FAM13A: variants seen among roughly 807,000 people sequenced by gnomAD.
FAM13A encodes the protein family with sequence similarity 13 member A, also known as protein FAM13A.
Under a neutral mutation model 129.6 loss-of-function variants are expected in FAM13A, and 76 were observed. The observed-to-expected ratio is 0.59, with a 90% confidence interval of 0.49 to 0.71. The LOEUF is 0.71. Ranked by LOEUF, FAM13A falls within the 30% of genes least tolerant of loss-of-function variation. The pLI is 0.00. For missense variants in FAM13A, 1,108 were observed against 1,249.3 expected, an observed-to-expected ratio of 0.89 and a Z score of 1.70; for synonymous variants, 443 against 449.9, an observed-to-expected ratio of 0.98 and a Z score of 0.20.
At chr4:88,993,153 TATA>T (rs998398451) in intron 3 of FAM13A, among the ~76,000 whole-genome samples, 3 of 152,212 alleles carry the variant, frequency 2.0e-5, no homozygotes, top group African/African-American at 7.2e-5. Flanking sequence ...TTGTGTTGTT[TATA>T]ATATTTTCCA....
intron 5 of FAM13A, among the ~76,000 whole-genome samples, chr4:88,920,620 C>T (rs193255730): frequency 0.011 from 1,658 of 152,158 alleles, 33 homozygotes; most frequent in African/African-American, 0.036. Context: ...GCAGAAAAAC[C>T]GGAAACTCTA....
At chr4:88,776,291 C>T (rs1721697587) in intron 11 of FAM13A, among the ~76,000 whole-genome samples, 1 of 152,028 alleles carries the variant, frequency 6.6e-6, no homozygotes, top group South Asian at 2.1e-4. Flanking sequence ...GTAGATATTG[C>T]TTCATAACCT....
intron 8 of FAM13A, among the ~76,000 whole-genome samples, chr4:88,799,008 T>C (rs1277823298): frequency 6.6e-6 from 1 of 152,202 alleles, no homozygotes; most frequent in Non-Finnish European, 1.5e-5. Flanking sequence ...TCTTTCTCAG[T>C]ATAGCTCTAA....
At chr4:88,811,083 G>GA (rs1180034714) in intron 7 of FAM13A, among the ~76,000 whole-genome samples, 1 of 152,084 alleles carries the variant, frequency 6.6e-6, no homozygotes, top group African/African-American at 2.4e-5. Flanking sequence ...AAGACAAAGG[G>GA]AAAAAACTAT....
chr4:88,812,282 G>A (rs985207349), intron 7 of FAM13A, among the ~76,000 whole-genome samples: 1 of 152,110 alleles, frequency 6.6e-6, no homozygotes, highest in Non-Finnish European at 1.5e-5. Context: ...CTCAAAAAAA[G>A]GATGTGTCTC....
rs751011013 is a variant in FAM13A, at chr4:88,749,762, G to A, written c.2079+9C>T. 1 of 1,613,500 alleles carries A rather than the reference G, an allele frequency of 6.2e-7. No homozygotes were observed. Among genetic ancestry groups the A allele is most frequent in the South Asian group, 1.1e-5 (1 of 91,038 alleles). On this transcript the variant is annotated intron_variant, in intron 16 of 23. Coordinates refer to ENST00000264344, the MANE Select transcript of FAM13A (RefSeq NM_014883.4). Reference sequence around the variant, plus strand: ...TGAGGCGAAAAGAACAGTGTGAGGGGACACTTACTCTGTACTTCTTCTCTT... The same window carrying A: ...TGAGGCGAAAAGAACAGTGTGAGGGAACACTTACTCTGTACTTCTTCTCTT...
intron 5 of FAM13A, among the ~76,000 whole-genome samples, chr4:88,917,710 T>C (rs1402518489): frequency 6.6e-6 from 1 of 152,222 alleles, no homozygotes; most frequent in Non-Finnish European, 1.5e-5. Flanking sequence ...GACTTTTCAA[T>C]CTTTTTTCTC....
chr4:88,962,147 A>C (rs1758706586), intron 4 of FAM13A, among the ~76,000 whole-genome samples: 1 of 152,062 alleles, frequency 6.6e-6, no homozygotes, highest in Non-Finnish European at 1.5e-5. Context: ...AATTTAAAAA[A>C]TAAGTAAAAA....
At chr4:88,923,580 A>C (rs1379814866) in intron 5 of FAM13A, among the ~76,000 whole-genome samples, 1 of 152,156 alleles carries the variant, frequency 6.6e-6, no homozygotes, top group Admixed American at 6.5e-5. Flanking sequence ...TTTATGACAA[A>C]CCCACAGCCA....
At chr4:88,950,832 A>G (rs1164875657) in intron 4 of FAM13A, among the ~76,000 whole-genome samples, 1 of 152,230 alleles carries the variant, frequency 6.6e-6, no homozygotes. Context: ...TGACGGGTCA[A>G]TAACTCAATG....
chr4:88,851,136 C>T lies in FAM13A; in HGVS notation c.891G>A (p.Leu297=). The part of the protein sequence containing the change: ...SEGSIQAHRV[L]QPELSDGIPQ... Reference sequence around the variant, plus strand: ...GAATGCCATCAGATAGCTCTGGTTGCAGTACTCTGTGGGCCTGAATAGATC... The same window carrying T: ...GAATGCCATCAGATAGCTCTGGTTGTAGTACTCTGTGGGCCTGAATAGATC... The change falls in exon 7 of 24, where the codon CTG becomes CTA. Residue 297 remains leucine, a synonymous_variant. Coordinates refer to ENST00000264344, the MANE Select transcript of FAM13A (RefSeq NM_014883.4). The T allele has an allele frequency of 6.2e-7, 1 of 1,612,274 alleles. No individual in the cohort carries two copies. Among genetic ancestry groups the T allele is most frequent in the Non-Finnish European group, 8.5e-7 (1 of 1,179,768 alleles).
intron 6 of FAM13A, among the ~76,000 whole-genome samples, chr4:88,893,541 T>G (rs1311298362): frequency 1.3e-5 from 2 of 151,252 alleles, no homozygotes; most frequent in Non-Finnish European, 2.9e-5. Flanking sequence ...GAGAATGGCG[T>G]GAACCCAGGA....
At position 88,938,082 on chromosome 4, in the gene FAM13A, G is replaced by A. The variant is rs980160522; in HGVS notation, c.759+6C>T. On this transcript the variant is annotated splice_donor_region_variant and intron_variant, in intron 5 of 23. Transcript: ENST00000264344. ...AATACTGAAAATTAAAAACCAAGTT[G>A]CTTACTTTTACTATGATAAGCCTAG... 1.2e-6 allele frequency: 2 copies of A among 1,609,296 alleles called. No homozygotes were observed. The highest frequency in any genetic ancestry group is 2.2e-5 in the South Asian group (2 of 90,632).
At chr4:88,874,587 C>T (rs545248892) in intron 6 of FAM13A, among the ~76,000 whole-genome samples, 83 of 152,106 alleles carry the variant, frequency 5.5e-4, no homozygotes, top group Non-Finnish European at 9.7e-4. Flanking sequence ...TGACAAGGGA[C>T]GTGAAGGACC....
intron 4 of FAM13A, among the ~76,000 whole-genome samples, chr4:88,963,023 A>C (rs1313142023): frequency 6.6e-6 from 1 of 152,202 alleles, no homozygotes; most frequent in East Asian, 1.9e-4. Context: ...GAAAAATATC[A>C]ATGGGTCACT....
In FAM13A at chr4:88,920,231, C is replaced by A. The variant is rs545283394; in HGVS notation, c.760-13769G>T. 4.6e-5 allele frequency among the ~76,000 whole-genome samples: 7 copies of A among 152,270 alleles called. No homozygotes were observed. The East Asian group carries it at 5.8e-4, about 13-fold the overall frequency. On this transcript the variant is annotated intron_variant, in intron 5 of 23. Transcript: ENST00000264344. ...CAGCACGGAGCTGGAGATCTGAGAA[C>A]GGGCAGACTGCCTCCTCAAGTGGAC...
chr4:88,798,644 C>T (rs1726747040), intron 8 of FAM13A, among the ~76,000 whole-genome samples: 2 of 152,172 alleles, frequency 1.3e-5, no homozygotes, highest in Admixed American at 1.3e-4. Context: ...GTTTCTCCGT[C>T]CACGCCATAG....
chr4:88,737,320 T>C, intron 21 of FAM13A, 152 bp downstream of exon 21: 1 of 656,156 alleles, frequency 1.5e-6, no homozygotes, highest in Non-Finnish European at 2.8e-6. Flanking sequence ...CTGTTCAAAG[T>C]TGGTTATATG....
intron 4 of FAM13A, among the ~76,000 whole-genome samples, chr4:88,978,441 C>T (rs1761192797): frequency 6.6e-6 from 1 of 152,126 alleles, no homozygotes; most frequent in Non-Finnish European, 1.5e-5. Context: ...AAAAAAAATG[C>T]TGTAAACTAA....
Sources: allele counts gnomAD v4.1 joint callset (sites outside exome capture counted in the v4.1 genomes callset), GRCh38; gene constraint gnomAD v4.1.1; transcripts MANE v1.5; gene names NCBI Gene and HGNC (gene_info 2026-07-23, HGNC 2026-07-21).